The following STARD13 variants were observed in gnomAD, a reference collection of about 807,000 sequenced individuals.
The protein encoded by STARD13 is stAR-related lipid transfer protein 13.
STARD13 carries 62 observed loss-of-function variants against 106.4 expected under a neutral mutation model. The ratio of observed to expected loss-of-function variants is 0.58; its 90% CI spans 0.48 to 0.72. STARD13 has a LOEUF of 0.72. Ranked by LOEUF, STARD13 falls within the 30% of genes least tolerant of loss-of-function variation. The probability of loss-of-function intolerance (pLI) is 0.00; values close to 1 mark genes in which losing one functional copy is unlikely to be tolerated. For missense variants in STARD13, 1,387 were observed against 1,424.0 expected (o/e 0.97, Z 0.42); for synonymous variants, 565 against 553.0 (o/e 1.02, Z -0.31).
chr13:33,315,224 A>C (rs2138512038), intron 1 of STARD13, among the ~76,000 whole-genome samples: 1 of 152,350 alleles, frequency 6.6e-6, no homozygotes, highest in African/African-American at 2.4e-5. Context: ...TAAAAACTAT[A>C]GAAATTTGAT....
At chr13:33,215,008 C>T (rs7327456) in intron 1 of STARD13, among the ~76,000 whole-genome samples, 33,731 of 151,608 alleles carry the variant, frequency 0.22, 4,107 homozygotes, top group Admixed American at 0.34. Context: ...TTTTTCCCCT[C>T]AGACACATAG....
At chr13:33,626,027 G>T in the STARD13 span, among the ~76,000 whole-genome samples, 3 of 152,094 alleles carry the variant, frequency 2.0e-5, no homozygotes, top group Non-Finnish European at 4.4e-5. Context: ...AAATTATTCT[G>T]TTCTGACTTG....
the STARD13 span, among the ~76,000 whole-genome samples, chr13:33,630,458 G>A: frequency 3.3e-5 from 5 of 152,278 alleles, no homozygotes; most frequent in East Asian, 1.9e-4. Context: ...GCCTGCTGCC[G>A]CCACCACATA....
At chr13:33,206,067 C>A in intron 1 of STARD13, 1 of 959,486 alleles carries the variant, frequency 1.0e-6, no homozygotes, top group Non-Finnish European at 1.2e-6. Context: ...GGTTTTGGCC[C>A]CGCCTCCAGC....
the STARD13 span, among the ~76,000 whole-genome samples, chr13:33,461,281 G>A: frequency 1.8e-4 from 28 of 152,220 alleles, no homozygotes; most frequent in African/African-American, 6.3e-4. Flanking sequence ...TTCATTTTAC[G>A]TTAAACACAA....
intron 1 of STARD13, among the ~76,000 whole-genome samples, chr13:33,177,738 G>A (rs944530588): frequency 1.7e-5 from 2 of 117,214 alleles, no homozygotes; most frequent in Non-Finnish European, 3.8e-5. Flanking sequence ...AAGGGAGGGA[G>A]GAAGGAAGGA....
chr13:33,120,858 G>C (rs143110376), intron 7 of STARD13, among the ~76,000 whole-genome samples: 1,829 of 151,784 alleles, frequency 0.012, 31 homozygotes, highest in African/African-American at 0.042. Flanking sequence ...TCCTGTCTCA[G>C]CCTACTAAGT....
intron 1 of STARD13, among the ~76,000 whole-genome samples, chr13:33,283,929 T>G (rs769213178): frequency 6.6e-6 from 1 of 152,204 alleles, no homozygotes; most frequent in African/African-American, 2.4e-5. Flanking sequence ...CAATTTCAGC[T>G]AGTTCTCTGC....
At chr13:33,366,966 G>A in the STARD13 span, among the ~76,000 whole-genome samples, 1 of 152,098 alleles carries the variant, frequency 6.6e-6, no homozygotes, top group Non-Finnish European at 1.5e-5. The surrounding 1 kb of genome is among the most constrained non-coding windows in gnomAD (Gnocchi z 4.2). Flanking sequence ...TTTCTATGAG[G>A]GATTTTGAGT....
the STARD13 span, among the ~76,000 whole-genome samples, chr13:33,668,034 A>G: frequency 1.3e-5 from 2 of 152,056 alleles, no homozygotes; most frequent in African/African-American, 4.8e-5. Context: ...CTTCACTTCC[A>G]TTTTCTTTAC....
At chr13:33,606,753 G>A in the STARD13 span, among the ~76,000 whole-genome samples, 1 of 152,220 alleles carries the variant, frequency 6.6e-6, no homozygotes. Flanking sequence ...CAGATCAAAA[G>A]TCTAACACTG....
At chr13:33,221,616 G>A (rs975523250) in intron 1 of STARD13, among the ~76,000 whole-genome samples, 10 of 151,982 alleles carry the variant, frequency 6.6e-5, no homozygotes, top group Non-Finnish European at 1.5e-4. Context: ...GCTAACTCTC[G>A]TCCCATTCCT....
chr13:33,548,394 T>G, the STARD13 span, among the ~76,000 whole-genome samples: 1 of 152,130 alleles, frequency 6.6e-6, no homozygotes, highest in Non-Finnish European at 1.5e-5. Context: ...TTCTTAAAAG[T>G]GGAATAGTGC....
At chr13:33,382,660 C>G in the STARD13 span, among the ~76,000 whole-genome samples, 1 of 152,164 alleles carries the variant, frequency 6.6e-6, no homozygotes, top group African/African-American at 2.4e-5. Context: ...TGTGACTCTA[C>G]ATATATTGGC....
At chr13:33,237,686 C>T (rs981521201) in intron 1 of STARD13, among the ~76,000 whole-genome samples, 1 of 152,206 alleles carries the variant, frequency 6.6e-6, no homozygotes, top group African/African-American at 2.4e-5. Context: ...CCCCTACACC[C>T]ATTTGACTAC....
chr13:33,295,041 T>A (rs1207139383), intron 1 of STARD13, among the ~76,000 whole-genome samples: 1 of 152,106 alleles, frequency 6.6e-6, no homozygotes, highest in Non-Finnish European at 1.5e-5. Context: ...AAGCAGCAGT[T>A]GGGAATTGAG....
chr13:33,125,609 A>G lies in STARD13; in HGVS notation c.2082+472T>C, dbSNP rs561709517. Among the ~76,000 whole-genome samples, 17 of 152,218 alleles carry G rather than the reference A, an allele frequency of 1.1e-4. No individual in the cohort carries two copies. The South Asian group carries it at 3.5e-3, about 32-fold the overall frequency. ...GCACATTTTTAAAAGATGTAAATAA[A>G]TCTGTGTTTGGTTTAAGTTTTCCTG... is the stretch of plus-strand genomic sequence containing the variant. On this transcript the variant is annotated intron_variant, in intron 7 of 13. Coordinates refer to ENST00000336934, the MANE Select transcript of STARD13 (RefSeq NM_178006.4).
rs553693115 is a variant in STARD13, at chr13:33,269,296, G to A, written c.169+16174C>T. Among the ~76,000 whole-genome samples, 6 of 152,134 alleles carry A rather than the reference G, an allele frequency of 3.9e-5. 1 individual carries two copies. The highest frequency in any genetic ancestry group is 1.3e-4 in the Admixed American group (2 of 15,286). On this transcript the variant is annotated intron_variant, in intron 1 of 13. Transcript: ENST00000336934. ...AAACTATCAAACAAAACTTAAACACGTTAAGGAATATGTTTATACAGTGTG... is the reference window on the plus strand; with the variant it reads ...AAACTATCAAACAAAACTTAAACACATTAAGGAATATGTTTATACAGTGTG...
the STARD13 span, among the ~76,000 whole-genome samples, chr13:33,497,551 T>C: frequency 1.3e-5 from 2 of 152,192 alleles, no homozygotes; most frequent in Non-Finnish European, 2.9e-5. Flanking sequence ...CTCCTCCTAG[T>C]TATCTTGACA....
Sources: gnomAD v4.1 joint callset for allele counts (sites outside exome capture counted in the v4.1 genomes callset) on GRCh38, gnomAD v4.1.1 for gene constraint, Gnocchi (gnomAD v3.1) non-coding constraint, MANE v1.5 for transcripts, NCBI Gene and HGNC (gene_info 2026-07-23, HGNC 2026-07-21) for gene names.